The following MGAT4C variants were observed in gnomAD, a reference collection of about 807,000 sequenced individuals.
The protein encoded by MGAT4C is MGAT4 family member C, also known as alpha-1,3-mannosyl-glycoprotein 4-beta-N-acetylglucosaminyltransferase C.
In MGAT4C, 19 loss-of-function variants were observed where a neutral mutation model predicts 40.1. The ratio of observed to expected loss-of-function variants is 0.47; its 90% CI spans 0.33 to 0.70. The LOEUF (loss-of-function observed/expected upper bound fraction) is 0.70. Ranked by LOEUF, MGAT4C falls within the 30% of genes least tolerant of loss-of-function variation. The pLI is 0.02. For missense variants in MGAT4C, 491 were observed against 563.2 expected (o/e 0.87, Z 1.30); for synonymous variants, 181 against 187.1 (o/e 0.97, Z 0.27).
chr12:86,566,531 CATATATATAT>C (rs71078910), intron 2 of MGAT4C, among the ~76,000 whole-genome samples: 1,682 of 39,984 alleles, frequency 0.042, 81 homozygotes, highest in East Asian at 0.15. Flanking sequence ...AACTCATATA[CATATATATAT>C]ATATATATAT....
intron 3 of MGAT4C, among the ~76,000 whole-genome samples, chr12:86,384,553 G>A (rs554595031): frequency 5.1e-4 from 78 of 152,240 alleles, no homozygotes; most frequent in Non-Finnish European, 8.5e-4. Context: ...TTGCCCAAAC[G>A]CATTAGTATT....
chr12:86,713,797 G>A (rs1253934192), intron 2 of MGAT4C, among the ~76,000 whole-genome samples: 1 of 152,024 alleles, frequency 6.6e-6, no homozygotes, highest in Non-Finnish European at 1.5e-5. Flanking sequence ...AAGTCCCATA[G>A]CTTGAAAGTG....
chr12:86,395,194 A>G (rs560710295), intron 3 of MGAT4C, among the ~76,000 whole-genome samples: 2 of 152,316 alleles, frequency 1.3e-5, no homozygotes, highest in East Asian at 1.9e-4. Flanking sequence ...GGTAACAAAA[A>G]TTTGAGATCT....
chr12:86,443,209 C>T (rs1015652525), intron 2 of MGAT4C, among the ~76,000 whole-genome samples: 6 of 151,522 alleles, frequency 4.0e-5, no homozygotes, highest in Non-Finnish European at 8.8e-5. Flanking sequence ...TATATATACA[C>T]ACACACACAC....
In MGAT4C at chr12:86,230,633, G is replaced by A. The variant is rs558460304; in HGVS notation, c.-57+25606C>T. On this transcript the variant is annotated intron_variant, in intron 1 of 4. Coordinates refer to ENST00000611864, the MANE Select transcript of MGAT4C (RefSeq NM_001351288.2). ...GAGAAGGTGATGATGCCAACATATCGTTTGCCAGTCTGATCAGGAAAAGGA... is the reference window on the plus strand; with the variant it reads ...GAGAAGGTGATGATGCCAACATATCATTTGCCAGTCTGATCAGGAAAAGGA... 7.2e-5 allele frequency among the ~76,000 whole-genome samples: 11 copies of A among 152,114 alleles called. 1 individual carries two copies. The South Asian group carries it at 1.2e-3, about 17-fold the overall frequency.
At chr12:86,331,517 C>A (rs372311536) in intron 4 of MGAT4C, among the ~76,000 whole-genome samples, 69 of 152,232 alleles carry the variant, frequency 4.5e-4, no homozygotes, top group African/African-American at 1.6e-3. Context: ...TTCTTGAGCA[C>A]ACTTACTCAA....
At chr12:86,424,992 A>G (rs1008482262) in intron 3 of MGAT4C, among the ~76,000 whole-genome samples, 4 of 151,976 alleles carry the variant, frequency 2.6e-5, no homozygotes, top group African/African-American at 7.2e-5. Context: ...TTCTGACCTC[A>G]TGATCCACCT....
At chr12:86,370,392 G>T (rs1290432543) in intron 3 of MGAT4C, among the ~76,000 whole-genome samples, 1 of 152,064 alleles carries the variant, frequency 6.6e-6, no homozygotes, top group Non-Finnish European at 1.5e-5. Flanking sequence ...CAAGAAGTGA[G>T]TATATACGAT....
chr12:86,279,305 G>A (rs1367775590), intron 4 of MGAT4C, among the ~76,000 whole-genome samples: 1 of 152,074 alleles, frequency 6.6e-6, no homozygotes, highest in Admixed American at 6.6e-5. Context: ...TCTTTGCTGG[G>A]AGATTTTTAT....
At chr12:86,766,921 G>T (rs1370972218) in intron 1 of MGAT4C, among the ~76,000 whole-genome samples, 1 of 152,016 alleles carries the variant, frequency 6.6e-6, no homozygotes, top group Non-Finnish European at 1.5e-5. Flanking sequence ...AAGCAGGAAA[G>T]ATAGAAAATT....
At chr12:86,166,678 T>C (rs1039192483) in intron 1 of MGAT4C, among the ~76,000 whole-genome samples, 5 of 152,040 alleles carry the variant, frequency 3.3e-5, no homozygotes, top group Non-Finnish European at 7.4e-5. Flanking sequence ...AAAAAAAAAG[T>C]CTATTAAATA....
intron 2 of MGAT4C, among the ~76,000 whole-genome samples, chr12:86,510,805 T>G (rs1215329659): frequency 6.6e-6 from 1 of 152,112 alleles, no homozygotes; most frequent in Non-Finnish European, 1.5e-5. Context: ...CCTAAATATA[T>G]ATGCACCCAA....
At chr12:86,396,773 C>CATGA (rs1245331746) in intron 3 of MGAT4C, among the ~76,000 whole-genome samples, 1 of 152,026 alleles carries the variant, frequency 6.6e-6, no homozygotes, top group African/African-American at 2.4e-5. Flanking sequence ...ACTATTGACT[C>CATGA]ATTCATGAAA....
intron 2 of MGAT4C, among the ~76,000 whole-genome samples, chr12:85,992,767 G>C (rs1592630744): frequency 1.3e-5 from 2 of 152,222 alleles, no homozygotes; most frequent in African/African-American, 4.8e-5. Flanking sequence ...GCTTTTCTGT[G>C]AATGTGAGGG....
intron 1 of MGAT4C, among the ~76,000 whole-genome samples, chr12:86,066,724 C>T (rs138233475): frequency 1.5e-3 from 224 of 152,170 alleles, no homozygotes; most frequent in African/African-American, 2.5e-3. Context: ...TCTAATTAAA[C>T]GAAAGAGTTT....
intron 1 of MGAT4C, among the ~76,000 whole-genome samples, chr12:86,115,644 T>A (rs964273478): frequency 6.6e-6 from 1 of 152,026 alleles, no homozygotes; most frequent in African/African-American, 2.4e-5. Flanking sequence ...TTAGAATAAT[T>A]CATTGTAAGT....
At chr12:86,265,110 A>C (rs1669314725) in intron 4 of MGAT4C, among the ~76,000 whole-genome samples, 8 of 145,392 alleles carry the variant, frequency 5.5e-5, no homozygotes, top group South Asian at 2.4e-4. Flanking sequence ...CCACCCCCCG[A>C]CCCCCAGCCG....
intron 4 of MGAT4C, among the ~76,000 whole-genome samples, chr12:86,298,606 A>G (rs1255262230): frequency 1.3e-5 from 2 of 152,196 alleles, no homozygotes; most frequent in Admixed American, 1.3e-4. Flanking sequence ...GGCAAAGCTT[A>G]AATAATTAAT....
chr12:86,663,318 C>G (rs533327134), intron 2 of MGAT4C, among the ~76,000 whole-genome samples: 1 of 123,670 alleles, frequency 8.1e-6, no homozygotes, highest in East Asian at 2.5e-4. Flanking sequence ...CGTGAGCACA[C>G]TAGCCTGAGT....
Sources: gnomAD v4.1 joint callset for allele counts (sites outside exome capture counted in the v4.1 genomes callset) on GRCh38, gnomAD v4.1.1 for gene constraint, MANE v1.5 for transcripts, NCBI Gene and HGNC (gene_info 2026-07-23, HGNC 2026-07-21) for gene names.